KCNH5: variants seen among roughly 807,000 people sequenced by gnomAD.
KCNH5 encodes the protein voltage-gated delayed rectifier potassium channel KCNH5.
KCNH5 carries 46 observed loss-of-function variants against 96.1 expected under a neutral mutation model. The ratio of observed to expected loss-of-function variants is 0.48; its 90% CI spans 0.38 to 0.61. The LOEUF (loss-of-function observed/expected upper bound fraction) is 0.61, where lower values mean the gene tolerates loss of function less well. Ranked by LOEUF, KCNH5 falls within the 20% of genes least tolerant of loss-of-function variation. The pLI is 0.00. For missense variants in KCNH5, 907 were observed against 1,225.8 expected (o/e 0.74, Z 3.88); for synonymous variants, 439 against 449.8 (o/e 0.98, Z 0.30).
chr14:62,843,001 T>C (rs1887616730), intron 8 of KCNH5, among the ~76,000 whole-genome samples: 1 of 152,194 alleles, frequency 6.6e-6, no homozygotes, highest in Non-Finnish European at 1.5e-5. Context: ...GTTCTACATA[T>C]GTGCCTAAAT....
intron 10 of KCNH5, among the ~76,000 whole-genome samples, chr14:62,726,450 G>A (rs772183442): frequency 6.6e-6 from 1 of 151,786 alleles, no homozygotes; most frequent in African/African-American, 2.4e-5. Flanking sequence ...AAATTATTAA[G>A]AACAAAGATA....
intron 10 of KCNH5, among the ~76,000 whole-genome samples, chr14:62,720,937 C>T (rs1595593481): frequency 6.6e-6 from 1 of 152,092 alleles, no homozygotes; most frequent in South Asian, 2.1e-4. Context: ...AGTGAAGAAG[C>T]GATAGGATAA....
At chr14:62,803,530 T>A (rs73273185) in intron 8 of KCNH5, among the ~76,000 whole-genome samples, 1,927 of 152,304 alleles carry the variant, frequency 0.013, 44 homozygotes, top group African/African-American at 0.044. Flanking sequence ...TTATTTTGTA[T>A]GGCAGTCCTT....
At chr14:62,923,987 A>C (rs72728782) in intron 7 of KCNH5, among the ~76,000 whole-genome samples, 229 of 152,148 alleles carry the variant, frequency 1.5e-3, no homozygotes, top group Non-Finnish European at 2.6e-3. Context: ...ATCAAACAAA[A>C]TAGTTTCTGC....
intron 7 of KCNH5, among the ~76,000 whole-genome samples, chr14:62,918,747 C>T (rs958881934): frequency 6.6e-6 from 1 of 151,956 alleles, no homozygotes; most frequent in African/African-American, 2.4e-5. Flanking sequence ...GAGAAATGGA[C>T]ACACTCAAAA....
intron 6 of KCNH5, among the ~76,000 whole-genome samples, chr14:62,958,376 T>A (rs1026433309): frequency 2.0e-5 from 3 of 151,906 alleles, no homozygotes; most frequent in Non-Finnish European, 2.9e-5. Flanking sequence ...GGCCTTGGAG[T>A]TTCTTCACCA....
At chr14:62,889,068 T>C (rs973165720) in intron 7 of KCNH5, among the ~76,000 whole-genome samples, 5 of 152,200 alleles carry the variant, frequency 3.3e-5, no homozygotes, top group Non-Finnish European at 7.3e-5. Context: ...ATTCATGGGC[T>C]GGAAGTGGCT....
intron 6 of KCNH5, among the ~76,000 whole-genome samples, chr14:62,963,031 G>A (rs1250267174): frequency 6.6e-6 from 1 of 152,034 alleles, no homozygotes; most frequent in African/African-American, 2.4e-5. Flanking sequence ...CCTAAAGCTA[G>A]GTCACAATGC....
Position 62,987,078 on chromosome 14 carries a change from T to C in KCNH5, c.543A>G (p.Leu181=). The part of the protein sequence containing the change: ...KTEVVHKHSR[L]AEVLQLGSDI... ...AAATTCATCTCATACTTACTTCAGC[T>C]AGTCTTGAATGTTTATGGACCACCT... Residue 181 remains leucine (L), a synonymous_variant, in exon 5 of 11, where the codon CTA becomes CTG. Coordinates refer to ENST00000322893, the MANE Select transcript of KCNH5 (RefSeq NM_139318.5). The C allele has an allele frequency of 6.2e-7, 1 of 1,609,298 alleles. No homozygotes were observed. Among genetic ancestry groups the C allele is most frequent in the South Asian group, 1.1e-5 (1 of 90,948 alleles).
intron 10 of KCNH5, among the ~76,000 whole-genome samples, chr14:62,743,596 C>T (rs1317392720): frequency 6.6e-6 from 1 of 152,002 alleles, no homozygotes; most frequent in Non-Finnish European, 1.5e-5. Context: ...TACGGGAAAG[C>T]ATTTCCTGCC....
At chr14:63,017,038 T>C (rs1891339991) in intron 1 of KCNH5, 84 bp from the exon 2 acceptor site, 2 of 1,315,246 alleles carry the variant, frequency 1.5e-6, no homozygotes, top group Non-Finnish European at 2.1e-6. Context: ...GGCAAACTTA[T>C]AAAGATGGAC....
At chr14:62,799,761 G>A (rs1886620000) in intron 9 of KCNH5, among the ~76,000 whole-genome samples, 21 of 93,584 alleles carry the variant, frequency 2.2e-4, no homozygotes, top group Admixed American at 5.1e-4. Context: ...GGGTGTGAAG[G>A]GATTATATAT....
At chr14:62,748,810 G>A (rs1277385199) in intron 10 of KCNH5, among the ~76,000 whole-genome samples, 1 of 152,222 alleles carries the variant, frequency 6.6e-6, no homozygotes, top group Admixed American at 6.5e-5. Flanking sequence ...AGAAAGTGTT[G>A]AATGAACTTG....
At chr14:63,041,957 A>C (rs541381103) in intron 1 of KCNH5, among the ~76,000 whole-genome samples, 1 of 152,254 alleles carries the variant, frequency 6.6e-6, no homozygotes, top group African/African-American at 2.4e-5. Flanking sequence ...TATAAAATTG[A>C]TATTCAAATA....
intron 6 of KCNH5, among the ~76,000 whole-genome samples, chr14:62,960,984 A>G (rs184545526): frequency 8.5e-5 from 13 of 152,316 alleles, no homozygotes; most frequent in African/African-American, 2.9e-4. Context: ...AACTTTTAAT[A>G]TGCTTCTTTT....
intron 10 of KCNH5, among the ~76,000 whole-genome samples, chr14:62,774,810 G>GA (rs899671086): frequency 2.3e-4 from 34 of 150,120 alleles, no homozygotes; most frequent in South Asian, 1.1e-3. Context: ...TCTTATTATT[G>GA]AAAAAAAAAC....
chr14:62,814,205 A>C (rs186424009), intron 8 of KCNH5, among the ~76,000 whole-genome samples: 136 of 152,138 alleles, frequency 8.9e-4, no homozygotes, highest in Middle Eastern at 3.4e-3. Context: ...ATCATCGTGA[A>C]CCAATTCTAC....
chr14:62,820,484 T>G (rs1258351333), intron 8 of KCNH5, among the ~76,000 whole-genome samples: 1 of 152,028 alleles, frequency 6.6e-6, no homozygotes, highest in Non-Finnish European at 1.5e-5. Flanking sequence ...ATCCTCTCCC[T>G]TCACCCACCC....
intron 1 of KCNH5, among the ~76,000 whole-genome samples, chr14:63,033,265 C>T (rs571258050): frequency 2.1e-4 from 32 of 152,330 alleles, no homozygotes; most frequent in Admixed American, 1.6e-3. Flanking sequence ...AACTGTCACT[C>T]GCCCTTATCT....
Sources: gnomAD v4.1 joint callset for allele counts (sites outside exome capture counted in the v4.1 genomes callset) on GRCh38, gnomAD v4.1.1 for gene constraint, MANE v1.5 for transcripts, NCBI Gene and HGNC (gene_info 2026-07-23, HGNC 2026-07-21) for gene names.